The following ZBTB8A variants were observed in gnomAD, a reference collection of about 807,000 sequenced individuals.
ZBTB8A encodes zinc finger and BTB domain-containing protein 8A.
A neutral mutation model predicts 37.8 loss-of-function variants in ZBTB8A; 19 were observed. The observed-to-expected ratio is 0.50, with a 90% CI of 0.35 to 0.74. The LOEUF is 0.74. Among genes scored for constraint, ZBTB8A ranks in the 30% least tolerant of loss-of-function variants. ZBTB8A has a pLI of 0.01. For missense variants in ZBTB8A, 394 were observed against 537.8 expected (o/e 0.73, Z 2.65); for synonymous variants, 181 against 185.2 (o/e 0.98, Z 0.19).
Position 32,600,359 on chromosome 1 carries a change from C to A in ZBTB8A, c.1266C>A (p.Ile422=). 6 of 1,614,078 alleles carry A rather than the reference C, an allele frequency of 3.7e-6. No homozygotes were observed. The highest frequency in any genetic ancestry group is 5.1e-6 in the Non-Finnish European group (6 of 1,180,004). ...AAGATGGGTCTGCTGATCTGGTCATCCAACAGGTTGATGATAGTGAAGAAG... is the reference window on the plus strand; with the variant it reads ...AAGATGGGTCTGCTGATCTGGTCATACAACAGGTTGATGATAGTGAAGAAG... ...IVEDGSADLV[I]QQVDDSEEEE... is the part of the protein sequence containing the mutation. The change falls in exon 5 of 5, where the codon ATC becomes ATA. Residue 422 remains isoleucine (I), a synonymous_variant. Transcript: ENST00000373510.
intron 2 of ZBTB8A, among the ~76,000 whole-genome samples, chr1:32,569,428 C>A (rs1644308380): frequency 8.7e-6 from 1 of 115,162 alleles, no homozygotes. Flanking sequence ...GAGTCTTGCT[C>A]TGTTGCCCAG....
intron 2 of ZBTB8A, among the ~76,000 whole-genome samples, chr1:32,575,721 G>C (rs1036282237): frequency 6.6e-6 from 1 of 151,636 alleles, no homozygotes; most frequent in Non-Finnish European, 1.5e-5. Context: ...GCATGATGGT[G>C]GTCTCCTGTA....
intron 2 of ZBTB8A, among the ~76,000 whole-genome samples, chr1:32,582,777 T>A (rs940294588): frequency 1.3e-5 from 2 of 152,194 alleles, no homozygotes; most frequent in Admixed American, 1.3e-4. Context: ...GTTAGCACAG[T>A]ATCCCGGGTT....
intron 1 of ZBTB8A, among the ~76,000 whole-genome samples, chr1:32,549,354 C>T (rs1644132406): frequency 1.3e-5 from 2 of 151,938 alleles, no homozygotes; most frequent in South Asian, 4.1e-4. Context: ...ATTAGCCACG[C>T]ATGGTGGGAT....
intron 2 of ZBTB8A, among the ~76,000 whole-genome samples, chr1:32,554,487 TA>T (rs1419673357): frequency 2.0e-5 from 3 of 148,410 alleles, no homozygotes; most frequent in African/African-American, 7.4e-5. Context: ...TTTATTTATT[TA>T]TTTATTTATT....
chr1:32,581,669 C>T (rs377495137), intron 2 of ZBTB8A, among the ~76,000 whole-genome samples: 1 of 151,878 alleles, frequency 6.6e-6, no homozygotes, highest in African/African-American at 2.4e-5. Flanking sequence ...GTATTTGTTG[C>T]AGCATTGTAT....
At chr1:32,574,342 C>T (rs962382452) in intron 2 of ZBTB8A, among the ~76,000 whole-genome samples, 4 of 151,846 alleles carry the variant, frequency 2.6e-5, no homozygotes, top group Admixed American at 6.6e-5. Flanking sequence ...CGGTGGCTTA[C>T]GCCTGTAATC....
chr1:32,593,212 A>C lies in ZBTB8A; in HGVS notation c.281A>C (p.Asn94Thr). The C allele has an allele frequency of 1.2e-6, 2 of 1,614,212 alleles. No individual in the cohort carries two copies. Among genetic ancestry groups the C allele is most frequent in the Non-Finnish European group, 1.7e-6 (2 of 1,180,050 alleles). ...GGCAAACTGTCTCTTACTGGTCAGAATGTCATAGAAGTGATGTCGGCTGCT... is the reference window on the plus strand; with the variant it reads ...GGCAAACTGTCTCTTACTGGTCAGACTGTCATAGAAGTGATGTCGGCTGCT... ...YSGKLSLTGQ[N>T]VIEVMSAASF... is the part of the protein sequence containing the mutation. The change falls in exon 3 of 5, where the codon AAT (asparagine) becomes ACT (threonine). Residue 94 changes from asparagine (N) to threonine (T), a missense_variant. Physicochemically the swap from Asn to Thr is moderately conservative, Grantham distance 65. Transcript: ENST00000373510.
chr1:32,578,456 G>A (rs1274215640), intron 2 of ZBTB8A, among the ~76,000 whole-genome samples: 11 of 151,706 alleles, frequency 7.3e-5, no homozygotes, highest in Non-Finnish European at 1.5e-4. Flanking sequence ...CAAGTGATCC[G>A]CCCGCCTTGG....
At position 32,585,008 on chromosome 1, in the gene ZBTB8A, C is replaced by T. The variant is rs554688870; in HGVS notation, c.-1-7923C>T. On this transcript the variant is annotated intron_variant, in intron 2 of 4. Coordinates refer to ENST00000373510, the MANE Select transcript of ZBTB8A (RefSeq NM_001040441.3). Reference sequence around the variant, plus strand: ...TTATTTGCAGACATATAATTATCTACGAAGAATGTTTCAGATTTCTTTTTT... The same window carrying T: ...TTATTTGCAGACATATAATTATCTATGAAGAATGTTTCAGATTTCTTTTTT... Among the ~76,000 whole-genome samples, 15 of 147,614 alleles carry T rather than the reference C, an allele frequency of 1.0e-4. No individual in the cohort carries two copies. The East Asian group carries it at 2.4e-3, about 23-fold the overall frequency.
intron 2 of ZBTB8A, among the ~76,000 whole-genome samples, chr1:32,559,222 G>A (rs1021071916): frequency 3.3e-5 from 5 of 150,324 alleles, no homozygotes; most frequent in East Asian, 2.0e-4. Flanking sequence ...AGCCTTTTTC[G>A]TGCCTCAGCC....
At chr1:32,581,151 T>TTAAATATATTATAACTATAATATAATA (rs1553179114) in intron 2 of ZBTB8A, among the ~76,000 whole-genome samples, 7 of 6,180 alleles carry the variant, frequency 1.1e-3, no homozygotes, top group Non-Finnish European at 1.8e-3. Flanking sequence ...TTTATATATA[T>TTAAATATATTATAACTATAATATAATA]TAAATATATT....
intron 2 of ZBTB8A, among the ~76,000 whole-genome samples, chr1:32,583,600 C>T (rs1044500115): frequency 6.6e-6 from 1 of 152,018 alleles, no homozygotes; most frequent in Non-Finnish European, 1.5e-5. Flanking sequence ...TGATTAAGCC[C>T]TAATCTGCAG....
intron 1 of ZBTB8A, among the ~76,000 whole-genome samples, chr1:32,539,996 G>C (rs1168670316): frequency 6.6e-6 from 1 of 151,668 alleles, no homozygotes; most frequent in African/African-American, 2.4e-5. Context: ...GCCGGGGCCG[G>C]AGTCTCTGCG....
chr1:32,600,028 A>G (rs948048049), intron 4 of ZBTB8A, 59 bp from the exon 5 acceptor site: 187 of 1,410,524 alleles, frequency 1.3e-4, no homozygotes, highest in Admixed American at 1.2e-3. Context: ...GGTACCTAAA[A>G]TATCAAACTG....
rs745464130 is a variant in ZBTB8A, at chr1:32,601,470, G to A, written c.*1051G>A. The A allele has an allele frequency of 6.3e-4, 247 of 389,534 alleles. No individual in the cohort carries two copies. The highest frequency in any genetic ancestry group is 8.0e-4 in the Non-Finnish European group (178 of 221,180). 24.1% of individuals were successfully genotyped at this position (389,534 alleles called of 1,614,324 possible). On this transcript the variant is annotated 3_prime_UTR_variant, in exon 5 of 5. Coordinates refer to ENST00000373510, the MANE Select transcript of ZBTB8A (RefSeq NM_001040441.3). ...GCCTGGGCAACAAGAGCGAAACTCC[G>A]TCTCAAAAAAAAAAGGAAAACAAAC... is the stretch of plus-strand genomic sequence containing the variant.
chr1:32,600,007 G>A (rs1056910419), intron 4 of ZBTB8A, 80 bp from the exon 5 acceptor site: 10 of 1,162,256 alleles, frequency 8.6e-6, no homozygotes, highest in Admixed American at 4.9e-5. Flanking sequence ...AACATCTTAA[G>A]TTTATGAACT....
At chr1:32,580,517 C>T (rs1418213966) in intron 2 of ZBTB8A, among the ~76,000 whole-genome samples, 1 of 151,174 alleles carries the variant, frequency 6.6e-6, no homozygotes, top group Non-Finnish European at 1.5e-5. Context: ...CACAACTGTA[C>T]TCCAGGCTGG....
chr1:32,575,399 G>A (rs1644352495), intron 2 of ZBTB8A, among the ~76,000 whole-genome samples: 1 of 151,054 alleles, frequency 6.6e-6, no homozygotes, highest in African/African-American at 2.4e-5. Context: ...GCTAATTTTT[G>A]TATTTTTAGT....
Sources: allele counts gnomAD v4.1 joint callset (sites outside exome capture counted in the v4.1 genomes callset), GRCh38; gene constraint gnomAD v4.1.1; transcripts MANE v1.5; gene names NCBI Gene and HGNC (gene_info 2026-07-23, HGNC 2026-07-21).